The following TMEM71 variants were observed in gnomAD, a reference collection of about 807,000 sequenced individuals.
TMEM71 encodes transmembrane protein 71.
TMEM71 carries 44 observed loss-of-function variants against 38.0 expected under a neutral mutation model. The ratio of observed to expected loss-of-function variants is 1.16; its 90% confidence interval spans 0.91 to 1.49. TMEM71 has a LOEUF of 1.49. Among genes scored for constraint, TMEM71 ranks in the 40% most tolerant of loss-of-function variants. TMEM71 has a pLI of 0.00. For missense variants in TMEM71, 367 were observed against 348.6 expected, an observed-to-expected ratio of 1.05 and a Z score of -0.42; for synonymous variants, 133 against 122.5, an observed-to-expected ratio of 1.09 and a Z score of -0.56.
rs140891414 is a variant in TMEM71, at chr8:132,731,154, A to G, written c.488-3168T>C. ...TAATGTCTACTTTTTTACAGCTGTG[A>G]TAAGTGAAGGAGAAGAGACAAAAAT... On this transcript the variant is annotated intron_variant, in intron 5 of 9. Coordinates refer to ENST00000677595, the MANE Select transcript of TMEM71 (RefSeq NM_001382403.1). 7.1e-3 allele frequency among the ~76,000 whole-genome samples: 1,087 copies of G among 152,310 alleles called. 16 individuals carry two copies. Among genetic ancestry groups the G allele is most frequent in the African/African-American group, 0.025 (1,049 of 41,546 alleles).
intron 5 of TMEM71, among the ~76,000 whole-genome samples, chr8:132,731,569 G>T (rs1369795402): frequency 1.3e-5 from 2 of 152,178 alleles, no homozygotes; most frequent in Non-Finnish European, 2.9e-5. Flanking sequence ...AGAAGAAAGT[G>T]CCCCAGCAGA....
chr8:132,739,026 TG>T (rs1797783914), intron 5 of TMEM71, among the ~76,000 whole-genome samples: 1 of 152,192 alleles, frequency 6.6e-6, no homozygotes, highest in African/African-American at 2.4e-5. Context: ...TACTATTTTT[TG>T]TAACATTTTG....
At chr8:132,741,614 G>C (rs537877848) in intron 5 of TMEM71, among the ~76,000 whole-genome samples, 12 of 151,630 alleles carry the variant, frequency 7.9e-5, no homozygotes, top group Non-Finnish European at 1.8e-4. Flanking sequence ...GAGAGACAGA[G>C]GTGACAAAGA....
At position 132,710,963 on chromosome 8, in the gene TMEM71, G is replaced by T; in HGVS notation, c.*4C>A. 1 of 1,606,792 alleles carries T rather than the reference G, an allele frequency of 6.2e-7. No homozygotes were observed. The highest frequency in any genetic ancestry group is 1.1e-5 in the South Asian group (1 of 89,864). On this transcript the variant is annotated 3_prime_UTR_variant, in exon 10 of 10. Coordinates refer to ENST00000677595, the MANE Select transcript of TMEM71 (RefSeq NM_001382403.1). ...CATTCATCGAAGGCATTCCTAAATG[G>T]TTGTCAAATTTTGACAAACCTAGAT...
At chr8:132,736,620 A>G (rs1412371470) in intron 5 of TMEM71, among the ~76,000 whole-genome samples, 1 of 152,186 alleles carries the variant, frequency 6.6e-6, no homozygotes, top group Non-Finnish European at 1.5e-5. Context: ...ACTTGAGCTC[A>G]GGAGTTTGAG....
intron 5 of TMEM71, among the ~76,000 whole-genome samples, chr8:132,728,348 G>A (rs930269820): frequency 1.3e-5 from 2 of 152,140 alleles, no homozygotes; most frequent in East Asian, 1.9e-4. Flanking sequence ...GAGAATAAGA[G>A]TCAAGTGAAA....
In TMEM71 at chr8:132,713,973, T is replaced by C. The variant is rs776093690; in HGVS notation, c.872+22A>G. ...ATGATCACCTTGGTCCAGACAATAA[T>C]GATGACACAGGCAACACTTACCGAG... On this transcript the variant is annotated intron_variant, in intron 9 of 9. Transcript: ENST00000677595. 6.8e-6 allele frequency: 11 copies of C among 1,611,772 alleles called. 1 individual carries two copies. In the East Asian group the frequency reaches 8.9e-5, roughly 13 times the overall value.
At chr8:132,756,596 AATT>A (rs1364543338) in intron 3 of TMEM71, among the ~76,000 whole-genome samples, 1 of 150,146 alleles carries the variant, frequency 6.7e-6, no homozygotes, top group Non-Finnish European at 1.5e-5. Context: ...ATATAATAAT[AATT>A]ATTATTATTT....
intron 5 of TMEM71, among the ~76,000 whole-genome samples, chr8:132,740,780 G>A (rs1414772120): frequency 5.9e-5 from 9 of 152,110 alleles, no homozygotes; most frequent in Non-Finnish European, 1.2e-4. Flanking sequence ...TGCTCCCGAG[G>A]GCCTTTTTCT....
chr8:132,729,347 C>G (rs944799041), intron 5 of TMEM71, among the ~76,000 whole-genome samples: 2 of 152,196 alleles, frequency 1.3e-5, no homozygotes, highest in African/African-American at 4.8e-5. Context: ...CCATTTGGCT[C>G]ACCTGGCATA....
At chr8:132,721,484 C>T (rs1444852597) in intron 7 of TMEM71, among the ~76,000 whole-genome samples, 3 of 151,348 alleles carry the variant, frequency 2.0e-5, no homozygotes, top group African/African-American at 7.3e-5. Flanking sequence ...CTGTAAAATA[C>T]AATTTTAAGC....
intron 5 of TMEM71, among the ~76,000 whole-genome samples, chr8:132,746,422 TATATAC>T (rs1172559680): frequency 1.0e-4 from 2 of 19,166 alleles, no homozygotes; most frequent in African/African-American, 2.3e-4. Flanking sequence ...CACACACATA[TATATAC>T]ATATATATAT....
chr8:132,766,064 A>G, the TMEM71 span, among the ~76,000 whole-genome samples: 330 of 152,164 alleles, frequency 2.2e-3, 1 homozygote, highest in Admixed American at 4.1e-3. Flanking sequence ...GATTACAGAT[A>G]TGAGCCACCG....
At chr8:132,734,633 CA>C (rs973481790) in intron 5 of TMEM71, among the ~76,000 whole-genome samples, 15 of 152,208 alleles carry the variant, frequency 9.9e-5, no homozygotes, top group African/African-American at 3.6e-4. Flanking sequence ...AGAGAAACCA[CA>C]AAAAAGTCTT....
At chr8:132,766,018 A>G in the TMEM71 span, among the ~76,000 whole-genome samples, 2 of 152,036 alleles carry the variant, frequency 1.3e-5, no homozygotes, top group Admixed American at 1.3e-4. Flanking sequence ...TCCTGACCTC[A>G]GGTGATCCAC....
chr8:132,724,504 C>A (rs979878041), intron 6 of TMEM71, among the ~76,000 whole-genome samples: 4 of 152,148 alleles, frequency 2.6e-5, no homozygotes, highest in African/African-American at 4.8e-5. Flanking sequence ...TTTTGCCCGA[C>A]CCCGCAGGCA....
At chr8:132,763,769 T>C (rs753438731), upstream of TMEM71, among the ~76,000 whole-genome samples, 1 of 152,204 alleles carries the variant, frequency 6.6e-6, no homozygotes, top group Non-Finnish European at 1.5e-5. Flanking sequence ...CAGAGGATCT[T>C]ACAGAAGTGA....
Position 132,710,937 on chromosome 8 carries a change from A to G in TMEM71, c.*30T>C. The G allele has an allele frequency of 6.2e-7, 1 of 1,603,292 alleles. No individual in the cohort carries two copies. Among genetic ancestry groups the G allele is most frequent in the Non-Finnish European group, 8.5e-7 (1 of 1,171,624 alleles). On this transcript the variant is annotated 3_prime_UTR_variant, in exon 10 of 10. Transcript: ENST00000677595. ...CAATTTCCAGATATTCAGATGGAGG[A>G]CATTCATCGAAGGCATTCCTAAATG... is the stretch of plus-strand genomic sequence containing the variant.
chr8:132,774,480 A>C, the TMEM71 span, among the ~76,000 whole-genome samples: 3 of 152,258 alleles, frequency 2.0e-5, no homozygotes, highest in African/African-American at 7.2e-5. Context: ...TGTTTAATTT[A>C]CCAAATCTTA....
Sources: gnomAD v4.1 joint callset for allele counts (sites outside exome capture counted in the v4.1 genomes callset) on GRCh38, gnomAD v4.1.1 for gene constraint, MANE v1.5 for transcripts, NCBI Gene and HGNC (gene_info 2026-07-23, HGNC 2026-07-21) for gene names.